The following NTM variants were observed in gnomAD, a reference collection of about 807,000 sequenced individuals.
NTM encodes the protein IgLON family member 2.
In NTM, 13 loss-of-function variants were observed where a neutral mutation model predicts 42.1. The observed-to-expected ratio is 0.31, with a 90% confidence interval of 0.20 to 0.49. The LOEUF is 0.49. Ranked by LOEUF, NTM falls within the 20% of genes least tolerant of loss-of-function variation. The pLI, the probability that NTM is intolerant of heterozygous loss-of-function variation, is 0.99. For synonymous variants in NTM, 187 were observed against 179.2 expected (o/e 1.04, Z -0.35); for missense variants, 373 against 452.8 (o/e 0.82, Z 1.60).
intron 1 of NTM, among the ~76,000 whole-genome samples, chr11:131,680,399 G>GTGTGT (rs1565414331): frequency 3.0e-4 from 45 of 151,374 alleles, no homozygotes; most frequent in African/African-American, 9.7e-4. Flanking sequence ...GTGTGTGTGT[G>GTGTGT]CGTCTGTGTA....
intron 1 of NTM, among the ~76,000 whole-genome samples, chr11:131,593,081 A>G (rs2059521642): frequency 6.6e-6 from 1 of 152,186 alleles, no homozygotes; most frequent in African/African-American, 2.4e-5. Context: ...TTGGCAGGAA[A>G]TGTGCTCCAA....
chr11:132,010,870 C>T (rs2072019365), intron 2 of NTM, among the ~76,000 whole-genome samples: 1 of 152,072 alleles, frequency 6.6e-6, no homozygotes, highest in South Asian at 2.1e-4. Context: ...TGCCAAGTGA[C>T]TGAGGTTATA....
intron 1 of NTM, among the ~76,000 whole-genome samples, chr11:131,834,642 A>ATATATATATATATATATATG (rs1283909922): frequency 6.8e-6 from 1 of 147,448 alleles, no homozygotes; most frequent in Non-Finnish European, 1.5e-5. Context: ...ATATATATAT[A>ATATATATATATATATATATG]TATGTATAAT....
intron 1 of NTM, among the ~76,000 whole-genome samples, chr11:131,798,315 G>A (rs1300536868): frequency 6.6e-6 from 1 of 152,196 alleles, no homozygotes; most frequent in Non-Finnish European, 1.5e-5. Context: ...AACTGGCACA[G>A]TGCTGCAGTT....
chr11:132,028,824 T>A (rs534765), intron 2 of NTM, among the ~76,000 whole-genome samples: 77,201 of 151,430 alleles, frequency 0.51, 20,424 homozygotes, highest in African/African-American at 0.62. Flanking sequence ...CTGCCTTTGC[T>A]CTCCCCCTGC....
chr11:131,598,854 TTCCTTCCTTC>T (rs2060173313), intron 1 of NTM, among the ~76,000 whole-genome samples: 1 of 54,120 alleles, frequency 1.8e-5, no homozygotes, highest in African/African-American at 4.6e-5. Flanking sequence ...TCTTTCTTCC[TTCCTTCCTTC>T]CTTCCTTCCT....
chr11:131,993,140 A>T (rs1173730501), intron 2 of NTM, among the ~76,000 whole-genome samples: 1 of 152,168 alleles, frequency 6.6e-6, no homozygotes, highest in Non-Finnish European at 1.5e-5. Flanking sequence ...TTAACAAGAA[A>T]ACAAAATCCT....
chr11:131,634,542 T>C (rs146482321), intron 1 of NTM, among the ~76,000 whole-genome samples: 94 of 152,266 alleles, frequency 6.2e-4, no homozygotes, highest in African/African-American at 2.2e-3. Context: ...GCTTGCAGAC[T>C]TATTTTGTAA....
At chr11:132,287,615 G>A (rs975925178) in intron 4 of NTM, among the ~76,000 whole-genome samples, 2 of 152,300 alleles carry the variant, frequency 1.3e-5, no homozygotes, top group East Asian at 1.9e-4. Context: ...CAATTTCAGG[G>A]AGTCAAGTAC....
At chr11:131,600,143 G>T (rs570724731) in intron 1 of NTM, among the ~76,000 whole-genome samples, 5 of 152,274 alleles carry the variant, frequency 3.3e-5, no homozygotes, top group South Asian at 2.1e-4. Flanking sequence ...TGCATGTTCG[G>T]ACCCTCCTCC....
At chr11:131,753,105 G>T (rs75107560) in intron 1 of NTM, among the ~76,000 whole-genome samples, 30,018 of 151,690 alleles carry the variant, frequency 0.2, 4,420 homozygotes, top group African/African-American at 0.42. Flanking sequence ...CTTCTCAAAA[G>T]AAGACATTTA....
chr11:131,387,621 G>C (rs1055578423), intron 1 of NTM, among the ~76,000 whole-genome samples: 1 of 152,164 alleles, frequency 6.6e-6, no homozygotes, highest in East Asian at 1.9e-4. Flanking sequence ...CAGCTAGAAG[G>C]CTTGAAATGT....
intron 1 of NTM, among the ~76,000 whole-genome samples, chr11:131,417,754 C>T (rs77974491): frequency 5.3e-4 from 80 of 152,344 alleles, no homozygotes; most frequent in Non-Finnish European, 1.1e-3. Flanking sequence ...TCTGGACCAG[C>T]TCTCTTCCTC....
chr11:131,387,641 G>A (rs1470664317), intron 1 of NTM, among the ~76,000 whole-genome samples: 1 of 152,292 alleles, frequency 6.6e-6, no homozygotes, highest in African/African-American at 2.4e-5. Flanking sequence ...TTTCTCCCAC[G>A]TAGGACCATT....
chr11:131,614,654 A>G (rs2061749917), intron 1 of NTM, among the ~76,000 whole-genome samples: 1 of 152,170 alleles, frequency 6.6e-6, no homozygotes, highest in South Asian at 2.1e-4. Context: ...TTTCTCTGCC[A>G]TCGTCACTGC....
intron 2 of NTM, among the ~76,000 whole-genome samples, chr11:132,083,956 A>C (rs985108378): frequency 6.6e-6 from 1 of 152,078 alleles, no homozygotes; most frequent in Non-Finnish European, 1.5e-5. Flanking sequence ...CCCTTGACTC[A>C]GAAAAAAAAA....
intron 4 of NTM, among the ~76,000 whole-genome samples, chr11:132,221,952 C>A (rs1790652199): frequency 6.6e-6 from 1 of 152,156 alleles, no homozygotes; most frequent in Admixed American, 6.5e-5. Context: ...ATCTTGCTCT[C>A]TGGGACATGT....
At chr11:132,302,618 A>T (rs2094908521) in intron 4 of NTM, among the ~76,000 whole-genome samples, 1 of 152,156 alleles carries the variant, frequency 6.6e-6, no homozygotes, top group Non-Finnish European at 1.5e-5. Flanking sequence ...AAAATTATGT[A>T]AACTGGTTTC....
intron 1 of NTM, among the ~76,000 whole-genome samples, chr11:131,633,784 T>A (rs1168354437): frequency 2.3e-5 from 2 of 87,718 alleles, no homozygotes; most frequent in African/African-American, 6.7e-5. Flanking sequence ...TCTCTCTCTC[T>A]CTCTCACACA....
Sources: gnomAD v4.1 joint callset for allele counts (sites outside exome capture counted in the v4.1 genomes callset) on GRCh38, gnomAD v4.1.1 for gene constraint, MANE v1.5 for transcripts, NCBI Gene and HGNC (gene_info 2026-07-23, HGNC 2026-07-21) for gene names.